The following SH3TC2 variants were observed in gnomAD, a reference collection of about 807,000 sequenced individuals.
SH3TC2 encodes SH3 domain and tetratricopeptide repeats 2.
A neutral mutation model predicts 124.5 loss-of-function variants in SH3TC2; 87 were observed. The observed-to-expected ratio is 0.70, with a 90% CI of 0.59 to 0.84. The LOEUF (loss-of-function observed/expected upper bound fraction) is 0.84. Ranked by LOEUF, SH3TC2 falls within the 40% of genes least tolerant of loss-of-function variation. SH3TC2 has a pLI of 0.00. For synonymous variants in SH3TC2, 634 were observed against 628.5 expected (o/e 1.01, Z -0.13); for missense variants, 1,536 against 1,566.4 (o/e 0.98, Z 0.33).
intron 7 of SH3TC2, among the ~76,000 whole-genome samples, chr5:149,038,748 A>C (rs1580908207): frequency 6.6e-6 from 1 of 152,276 alleles, no homozygotes. Context: ...CAAACACAAA[A>C]AAAGATTCTC....
At chr5:149,048,140 C>T (rs113088740) in intron 2 of SH3TC2, 151 bp from the exon 3 acceptor site, 11,574 of 1,043,172 alleles carry the variant, frequency 0.011, 194 homozygotes, top group Middle Eastern at 0.053. Flanking sequence ...TAACACTTCT[C>T]GGAGCACTCC....
intron 4 of SH3TC2, chr5:149,044,300 G>T (rs1228636205): frequency 2.1e-6 from 1 of 469,348 alleles, no homozygotes; most frequent in Non-Finnish European, 3.9e-6. Context: ...AATAAAAAAA[G>T]ATCTCCCTGG....
chr5:148,998,594 T>C lies in SH3TC2; in HGVS notation c.*6117A>G, dbSNP rs1416111605. Among the ~76,000 whole-genome samples the C allele has an allele frequency of 6.6e-6, 1 of 152,168 alleles. No individual in the cohort carries two copies. Among genetic ancestry groups the C allele is most frequent in the African/African-American group, 2.4e-5 (1 of 41,446 alleles). On this transcript the variant is annotated 3_prime_UTR_variant, in exon 17 of 17. Transcript: ENST00000515425. ...GTTTTGAAAGCACAGCATCCTTCCC[T>C]CTCACCTGCCTCGCAGTCTGTACTG...
chr5:149,059,754 A>G (rs1395231245), intron 1 of SH3TC2, among the ~76,000 whole-genome samples: 11 of 152,224 alleles, frequency 7.2e-5, no homozygotes, highest in African/African-American at 2.7e-4. Flanking sequence ...GTGAAAGCAC[A>G]TAACCATTGA....
chr5:149,020,564 T>C (rs1000844395), intron 12 of SH3TC2, among the ~76,000 whole-genome samples: 3 of 152,208 alleles, frequency 2.0e-5, no homozygotes, highest in African/African-American at 7.2e-5. Flanking sequence ...AAAATGTTTC[T>C]ACTACATGCT....
Position 149,056,931 on chromosome 5 carries a change from CTG to C in SH3TC2, c.53-4693_53-4692del, listed in dbSNP as rs1230390860. Reference sequence around the variant, plus strand: ...CGAAAAAAATGTATGATTTTTATAACTGAAAGAAAATAAACCAAAAGGTCTAT... The same window carrying C: ...CGAAAAAAATGTATGATTTTTATAACAAAGAAAATAAACCAAAAGGTCTAT... On this transcript the variant is annotated intron_variant, in intron 1 of 16. Transcript: ENST00000515425. 2.0e-5 allele frequency among the ~76,000 whole-genome samples: 3 copies of C among 152,206 alleles called. No individual in the cohort carries two copies. In the East Asian group the frequency reaches 5.8e-4, roughly 29 times the overall value.
At chr5:149,046,682 A>T (rs1754469206) in intron 3 of SH3TC2, 1 of 152,170 alleles carries the variant, frequency 6.6e-6, no homozygotes, top group African/African-American at 2.4e-5. Context: ...TGTAGCCCAC[A>T]AGTATGTCTG....
At position 148,998,976 on chromosome 5, in the gene SH3TC2, G is replaced by A. The variant is rs953074864; in HGVS notation, c.*5735C>T. On this transcript the variant is annotated 3_prime_UTR_variant, in exon 17 of 17. Transcript: ENST00000515425. Reference sequence around the variant, plus strand: ...TACACACCCTCCCGCTTAACGGTGTGGGACCCAGGAATAGATGTGCTTATT... The same window carrying A: ...TACACACCCTCCCGCTTAACGGTGTAGGACCCAGGAATAGATGTGCTTATT... 1.3e-5 allele frequency among the ~76,000 whole-genome samples: 2 copies of A among 152,120 alleles called. No homozygotes were observed. The highest frequency in any genetic ancestry group is 4.8e-5 in the African/African-American group (2 of 41,438).
Position 149,027,920 on chromosome 5 carries a change from G to A in SH3TC2, c.1812C>T (p.Asp604=). Residue 604 remains aspartate, a synonymous_variant, in exon 11 of 17, where the codon GAC becomes GAT. Coordinates refer to ENST00000515425, the MANE Select transcript of SH3TC2 (RefSeq NM_024577.4). The stretch of plus-strand genomic sequence containing the variant: ...GTTCATGCTTGGCACTAGACTCACG[G>A]TCAGGCAGGCAGGCCAGCAGGGCAC... ...KAGALLACLP[D]RESSAKHELD... 2 of 1,614,060 alleles carry A rather than the reference G, an allele frequency of 1.2e-6. No individual in the cohort carries two copies. The highest frequency in any genetic ancestry group is 1.7e-6 in the Non-Finnish European group (2 of 1,180,040).
rs1753310203 is a variant in SH3TC2 at position 148,984,948 on chromosome 5, C to T, written c.*19763G>A. 6.6e-6 allele frequency among the ~76,000 whole-genome samples: 1 copy of T among 152,092 alleles called. No individual in the cohort carries two copies. The highest frequency in any genetic ancestry group is 6.5e-5 in the Admixed American group (1 of 15,274). On this transcript the variant is annotated 3_prime_UTR_variant, in exon 17 of 17. Transcript: ENST00000515425. ...GGTACCATTTACAAAGTGTATAAAA[C>T]AGGACAGGAAGTGAATCCTAGGGAT...
intron 12 of SH3TC2, among the ~76,000 whole-genome samples, chr5:149,016,554 G>A (rs1487227805): frequency 1.3e-5 from 2 of 152,016 alleles, no homozygotes; most frequent in Non-Finnish European, 1.5e-5. Context: ...TCTGTGTTAG[G>A]GATTAACATA....
chr5:149,016,708 G>A (rs896489454), intron 12 of SH3TC2, among the ~76,000 whole-genome samples: 2 of 152,142 alleles, frequency 1.3e-5, no homozygotes, highest in South Asian at 4.1e-4. Context: ...GGCGGATCAC[G>A]AGGTCAGGAG....
chr5:149,005,238 C>G (rs1753667265), intron 16 of SH3TC2, among the ~76,000 whole-genome samples: 1 of 152,206 alleles, frequency 6.6e-6, no homozygotes, highest in Non-Finnish European at 1.5e-5. Context: ...CTCCCTGGGA[C>G]TTTCCACTGT....
intron 12 of SH3TC2, among the ~76,000 whole-genome samples, chr5:149,018,154 T>C (rs1753906368): frequency 6.6e-6 from 1 of 152,196 alleles, no homozygotes; most frequent in African/African-American, 2.4e-5. Flanking sequence ...CAATTCTTTC[T>C]ACGTCAGAGG....
chr5:148,992,870 G>C lies in SH3TC2; in HGVS notation c.*11841C>G, dbSNP rs747373965. ...CTGGGTATAACATGCACAGCTCATA[G>C]GGTTTGGGTATGGCTTGGAAAATCA... On this transcript the variant is annotated 3_prime_UTR_variant, in exon 17 of 17. Coordinates refer to ENST00000515425, the MANE Select transcript of SH3TC2 (RefSeq NM_024577.4). Among the ~76,000 whole-genome samples the C allele has an allele frequency of 6.6e-6, 1 of 152,110 alleles. No individual in the cohort carries two copies. Among genetic ancestry groups the C allele is most frequent in the Non-Finnish European group, 1.5e-5 (1 of 68,032 alleles).
At chr5:149,012,541 G>A in intron 13 of SH3TC2, 43 bp downstream of exon 13, 2 of 1,613,000 alleles carry the variant, frequency 1.2e-6, no homozygotes, top group Non-Finnish European at 1.7e-6. Flanking sequence ...CTCCCCAAAT[G>A]ATCCAAGTCA....
chr5:149,016,838 T>C (rs1204785192), intron 12 of SH3TC2, among the ~76,000 whole-genome samples: 1 of 145,572 alleles, frequency 6.9e-6, no homozygotes, highest in African/African-American at 2.6e-5. Context: ...GGCAGGAGAA[T>C]GGCATGAACC....
In SH3TC2 at chr5:149,002,295, T is replaced by C. The variant is rs1211098310; in HGVS notation, c.*2416A>G. 6.5e-6 allele frequency: 1 copy of C among 152,690 alleles called. No homozygotes were observed. The allele number at this position is 152,690 out of a possible 1,614,324, so 9.5% of individuals were successfully genotyped here. On this transcript the variant is annotated 3_prime_UTR_variant, in exon 17 of 17. Coordinates refer to ENST00000515425, the MANE Select transcript of SH3TC2 (RefSeq NM_024577.4). The stretch of plus-strand genomic sequence containing the variant: ...TGTGCCCCTGACTGTCTCCCAGGAA[T>C]GTTGTTGAAAGGACTATGCACGGGA...
chr5:149,029,042 G>C (rs1305562544), intron 9 of SH3TC2, among the ~76,000 whole-genome samples: 1 of 151,718 alleles, frequency 6.6e-6, no homozygotes, highest in Admixed American at 6.6e-5. Flanking sequence ...GGACAGTGGG[G>C]GTCCTGATAG....
Sources: allele counts gnomAD v4.1 joint callset (sites outside exome capture counted in the v4.1 genomes callset), GRCh38; gene constraint gnomAD v4.1.1; transcripts MANE v1.5; gene names NCBI Gene and HGNC (gene_info 2026-07-23, HGNC 2026-07-21).